Variants in TYK2 observed in about 807,000 individuals in gnomAD.
TYK2 encodes tyrosine kinase 2, also known as non-receptor tyrosine-protein kinase TYK2.
In TYK2, 65 loss-of-function variants were observed where a neutral mutation model predicts 130.9. The observed-to-expected ratio is 0.50, with a 90% CI of 0.41 to 0.61. The LOEUF is 0.61. TYK2 is among the 20% of genes least tolerant of loss of function. TYK2 has a pLI of 0.00. For synonymous variants in TYK2, 647 were observed against 658.9 expected (o/e 0.98, Z 0.28); for missense variants, 1,378 against 1,610.7 (o/e 0.86, Z 2.47).
intron 17 of TYK2, chr19:10,357,545 C>T: frequency 1.4e-6 from 1 of 731,748 alleles, no homozygotes. Context: ...AATCAAGTCT[C>T]TTACTTGCCT....
chr19:10,377,548 G>A (rs1446351295), intron 3 of TYK2, among the ~76,000 whole-genome samples: 34 of 74,272 alleles, frequency 4.6e-4, no homozygotes, highest in East Asian at 1.9e-3. Context: ...GGATGGATGG[G>A]TGGGTGGGTG....
chr19:10,373,101 A>C (rs1482126726), intron 3 of TYK2, among the ~76,000 whole-genome samples: 2 of 148,264 alleles, frequency 1.3e-5, no homozygotes, highest in African/African-American at 5.0e-5. Context: ...CAGTGGCGTG[A>C]TCTCGGCTCA....
At position 10,359,163 on chromosome 19, in the gene TYK2, C is replaced by T; in HGVS notation, c.2175+12G>A. 2 of 1,600,842 alleles carry T rather than the reference C, an allele frequency of 1.2e-6. No homozygotes were observed. Among genetic ancestry groups the T allele is most frequent in the South Asian group, 1.1e-5 (1 of 90,996 alleles). On this transcript the variant is annotated intron_variant, in intron 15 of 24. Coordinates refer to ENST00000525621, the MANE Select transcript of TYK2 (RefSeq NM_003331.5). ...CCCTGACCGACCCAGGCCCCACACA[C>T]AGGCCACACACCAGGTAGCTGAGGG...
Position 10,352,515 on chromosome 19 carries a change from G to T in TYK2, c.3237C>A (p.Tyr1079Ter). Residue 1079 changes from tyrosine (Y) to a stop codon, truncating the protein, a stop_gained, in exon 23 of 25, where the codon TAC (tyrosine) becomes TAA (stop). Transcript: ENST00000525621. LOFTEE classifies it high-confidence loss of function. Reference protein sequence around the residue: ...APECLKEYKFYYASDVWSFGV... With the variant: ...APECLKEYKF ...CGAAGGACCAGACATCTGACGCATA[G>T]TAGAACTTATACTCCTTCAGGCACT... The T allele has an allele frequency of 6.3e-7, 1 of 1,595,562 alleles. No homozygotes were observed. The highest frequency in any genetic ancestry group is 8.6e-7 in the Non-Finnish European group (1 of 1,169,120).
At chr19:10,359,701 C>T (rs964650318) in intron 14 of TYK2, among the ~76,000 whole-genome samples, 2 of 149,444 alleles carry the variant, frequency 1.3e-5, no homozygotes, top group African/African-American at 2.5e-5. Context: ...AAAATACAGC[C>T]GGGCGCGGTG....
intron 3 of TYK2, among the ~76,000 whole-genome samples, chr19:10,377,549 TGGGTGGGTG>T (rs2042181374): frequency 4.2e-5 from 3 of 71,586 alleles, no homozygotes; most frequent in Non-Finnish European, 7.9e-5. Flanking sequence ...GATGGATGGG[TGGGTGGGTG>T]GATGGATGGG....
chr19:10,357,098 C>A, intron 17 of TYK2: 1 of 388,150 alleles, frequency 2.6e-6, no homozygotes, highest in Non-Finnish European at 4.8e-6. Context: ...TAGATAAAAC[C>A]TCTTCTGGGG....
At chr19:10,357,720 G>C (rs981441767) in intron 17 of TYK2, 44 bp downstream of exon 17, 1 of 1,563,168 alleles carries the variant, frequency 6.4e-7, no homozygotes, top group African/African-American at 1.4e-5. Context: ...ATTTCTTGGA[G>C]GGGCCCCCAC....
Position 10,353,081 on chromosome 19 carries a change from G to A in TYK2, c.3045C>T (p.His1015=), listed in dbSNP as rs1197009454. The change falls in exon 22 of 25, where the codon CAC becomes CAT. Residue 1015 remains histidine, a synonymous_variant. Transcript: ENST00000525621. The surrounding 1 kb of genome is among the most constrained non-coding windows in gnomAD (Gnocchi z 6.9). ...GGTCTCGGTGGATGTAGTGCTGCGC[G>A]TGCAGATAGGCCATGCCCTGGGGAC... ...QQICEGMAYL[H]AQHYIHRDLA... 6.5e-7 allele frequency: 1 copy of A among 1,548,218 alleles called. No homozygotes were observed.
rs1219590069 is a variant in TYK2, at chr19:10,361,632, G to C, written c.1960-34C>G. On this transcript the variant is annotated intron_variant, in intron 13 of 24. Transcript: ENST00000525621. The surrounding 1 kb of genome is among the most constrained non-coding windows in gnomAD (Gnocchi z 4.0). ...ACCGGGCAGGTCAGGTGGCTGCAAAGCCGACCCCTCCCATCCCACCTCCTC... is the reference window on the plus strand; with the variant it reads ...ACCGGGCAGGTCAGGTGGCTGCAAACCCGACCCCTCCCATCCCACCTCCTC... 1 of 1,552,084 alleles carries C rather than the reference G, an allele frequency of 6.4e-7. No homozygotes were observed. Among genetic ancestry groups the C allele is most frequent in the Non-Finnish European group, 8.7e-7 (1 of 1,151,288 alleles).
rs1045526805 is a variant in TYK2, at chr19:10,364,399, A to G, written c.1367+215T>C. On this transcript the variant is annotated intron_variant, in intron 9 of 24. Coordinates refer to ENST00000525621, the MANE Select transcript of TYK2 (RefSeq NM_003331.5). This position sits in a 1 kb window ranked among gnomAD's most constrained non-coding sequence, Gnocchi z 4.9. ...GTGGCGAGTGCCTGTAGTCCCAGGT[A>G]GTCAGTTGGGAGGCTGAGGCAGGAG... 1.3e-5 allele frequency among the ~76,000 whole-genome samples: 2 copies of G among 152,078 alleles called. No homozygotes were observed. Among genetic ancestry groups the G allele is most frequent in the Admixed American group, 6.6e-5 (1 of 15,256 alleles).
chr19:10,375,632 T>C (rs997986116), intron 3 of TYK2, among the ~76,000 whole-genome samples: 6 of 136,524 alleles, frequency 4.4e-5, no homozygotes, highest in African/African-American at 1.1e-4. Context: ...AAAAAGAAAA[T>C]TGGGCCGGGC....
At position 10,354,072 on chromosome 19, in the gene TYK2, T is replaced by C; in HGVS notation, c.2878A>G (p.Ile960Val). 3.7e-6 allele frequency: 6 copies of C among 1,614,110 alleles called. No homozygotes were observed. The highest frequency in any genetic ancestry group is 5.1e-6 in the Non-Finnish European group (6 of 1,180,028). ...TCCTCGCAGCAGCCCTTGTACTTGA[T>C]GATGTGCTCGTGGTAGAGCGTGCGC... ...ILRTLYHEHI[I>V]KYKGCCEDQG... The change falls in exon 20 of 25, where the codon ATC (isoleucine) becomes GTC (valine). Residue 960 changes from isoleucine (I) to valine (V), a missense_variant. Ile to Val is a conservative substitution (Grantham distance 29). Transcript: ENST00000525621.
chr19:10,378,378 C>T lies in TYK2; in HGVS notation c.29G>A (p.Arg10Lys). The T allele has an allele frequency of 1.9e-6, 3 of 1,611,908 alleles. No homozygotes were observed. The highest frequency in any genetic ancestry group is 1.7e-6 in the Non-Finnish European group (2 of 1,179,914). Residue 10 changes from arginine to lysine, a missense_variant, in exon 3 of 25, where the codon AGG becomes AAG. Transcript: ENST00000525621. ...TCCATCCCCAACGGGCTTACTGCCC[C>T]TGGCCATCCCCCAGTGGCGCAGAGG... MPLRHWGMA[R>K]GSKPVGDGAQ...
Position 10,368,554 on chromosome 19 carries a change from C to A in TYK2, c.194-136G>T, listed in dbSNP as rs759975485. 68 of 1,341,958 alleles carry A rather than the reference C, an allele frequency of 5.1e-5. 1 individual carries two copies. In the East Asian group the frequency reaches 9.2e-4, roughly 18 times the overall value. 83.1% of individuals were successfully genotyped at this position (1,341,958 alleles called of 1,614,324 possible). A position where few individuals can be genotyped will look rare whatever the true frequency, so the allele number is the denominator to read the frequency against. ...CACCTGCAGCTTCAGTCTCACGTTG[C>A]CCCTGGGCAGAGGACAGTGCGTATG... On this transcript the variant is annotated intron_variant, in intron 3 of 24. Transcript: ENST00000525621.
At position 10,364,605 on chromosome 19, in the gene TYK2, A is replaced by T; in HGVS notation, c.1367+9T>A. The T allele has an allele frequency of 6.2e-7, 1 of 1,613,490 alleles. No individual in the cohort carries two copies. Among genetic ancestry groups the T allele is most frequent in the Non-Finnish European group, 8.5e-7 (1 of 1,179,932 alleles). On this transcript the variant is annotated intron_variant, in intron 9 of 24. Transcript: ENST00000525621. This position sits in a 1 kb window ranked among gnomAD's most constrained non-coding sequence, Gnocchi z 4.9. ...CGGTGGCCCCCAGCGCCCCCCACCC[A>T]GCACTCACAGCAGGGGTCCGTGGAT...
Position 10,353,233 on chromosome 19 carries a change from G to T in TYK2, c.3028-135C>A. The T allele has an allele frequency of 1.4e-6, 1 of 718,500 alleles. No individual in the cohort carries two copies. Among genetic ancestry groups the T allele is most frequent in the Non-Finnish European group, 2.1e-6 (1 of 471,062 alleles). 44.5% of individuals were successfully genotyped at this position (718,500 alleles called of 1,614,324 possible). A position where few individuals can be genotyped will look rare whatever the true frequency, so the allele number is the denominator to read the frequency against. ...GCTACCCGGCCGCTGGAGAGGGCCG[G>T]ATGGCACGTGGCACCAAGCAAAAGG... On this transcript the variant is annotated intron_variant, in intron 21 of 24. Coordinates refer to ENST00000525621, the MANE Select transcript of TYK2 (RefSeq NM_003331.5). This position sits in a 1 kb window ranked among gnomAD's most constrained non-coding sequence, Gnocchi z 6.9.
chr19:10,364,281 C>T lies in TYK2; in HGVS notation c.1367+333G>A, dbSNP rs192686823. Among the ~76,000 whole-genome samples, 10 of 152,208 alleles carry T rather than the reference C, an allele frequency of 6.6e-5. No homozygotes were observed. The South Asian group carries it at 1.2e-3, about 19-fold the overall frequency. The stretch of plus-strand genomic sequence containing the variant: ...ATACCAGCACTTTGGGAGGCCGAGG[C>T]GGGTGGATCACCTGAGGTCAGGAGT... On this transcript the variant is annotated intron_variant, in intron 9 of 24. Coordinates refer to ENST00000525621, the MANE Select transcript of TYK2 (RefSeq NM_003331.5). This position sits in a 1 kb window ranked among gnomAD's most constrained non-coding sequence, Gnocchi z 4.9.
At chr19:10,372,480 ATATATTTTTT>A (rs2041955451) in intron 3 of TYK2, among the ~76,000 whole-genome samples, 1 of 64,052 alleles carries the variant, frequency 1.6e-5, no homozygotes, top group Non-Finnish European at 2.7e-5. Context: ...ATATATATAT[ATATATTTTTT>A]TTTTTTTTTT....
Sources: gnomAD v4.1 joint callset for allele counts (sites outside exome capture counted in the v4.1 genomes callset) on GRCh38, gnomAD v4.1.1 for gene constraint, Gnocchi (gnomAD v3.1) non-coding constraint, MANE v1.5 for transcripts, NCBI Gene and HGNC (gene_info 2026-07-23, HGNC 2026-07-21) for gene names.